The following HERC2 variants were observed in gnomAD, a reference collection of about 807,000 sequenced individuals.
HERC2 encodes E3 ubiquitin-protein ligase HERC2.
Under a neutral mutation model 537.7 loss-of-function variants are expected in HERC2, and 102 were observed. The ratio of observed to expected loss-of-function variants is 0.19; its 90% confidence interval spans 0.16 to 0.22. The LOEUF (loss-of-function observed/expected upper bound fraction) is 0.22. Among genes scored for constraint, HERC2 ranks in the 10% least tolerant of loss-of-function variants. The pLI is 1.00. For missense variants in HERC2, 4,236 were observed against 6,198.2 expected (o/e 0.68, Z 10.63); for synonymous variants, 2,224 against 2,466.2 (o/e 0.90, Z 2.91).
chr15:28,291,899 C>A (rs1444631070), intron 4 of HERC2, among the ~76,000 whole-genome samples: 6 of 127,014 alleles, frequency 4.7e-5, no homozygotes, highest in Non-Finnish European at 9.7e-5. Flanking sequence ...AACAAGACTC[C>A]GTCTCAAAGG....
intron 78 of HERC2, among the ~76,000 whole-genome samples, chr15:28,137,091 G>GT (rs1890726558): frequency 1.3e-5 from 2 of 152,016 alleles, no homozygotes; most frequent in African/African-American, 4.8e-5. Context: ...CCCAAACACT[G>GT]GGTAACAAGG....
intron 45 of HERC2, among the ~76,000 whole-genome samples, chr15:28,204,089 GA>G (rs1898152177): frequency 6.6e-6 from 1 of 152,102 alleles, no homozygotes; most frequent in Non-Finnish European, 1.5e-5. Context: ...AACTGCCTGT[GA>G]GAAGAAAACT....
chr15:28,307,472 A>C (rs968858645), intron 2 of HERC2, among the ~76,000 whole-genome samples: 1 of 151,930 alleles, frequency 6.6e-6, no homozygotes, highest in African/African-American at 2.4e-5. Context: ...ATTTATTTGA[A>C]GTTTTTCTAC....
chr15:28,258,550 A>G (rs1036507644), intron 16 of HERC2, among the ~76,000 whole-genome samples: 5 of 152,330 alleles, frequency 3.3e-5, no homozygotes, highest in Non-Finnish European at 5.9e-5. Context: ...TTGAACATAC[A>G]TGAAAATGCG....
intron 4 of HERC2, among the ~76,000 whole-genome samples, chr15:28,291,632 A>G (rs1239990745): frequency 2.0e-5 from 3 of 152,256 alleles, no homozygotes; most frequent in African/African-American, 7.2e-5. Context: ...TTACACAAAA[A>G]AAAGTAAGCA....
chr15:28,137,019 G>A lies in HERC2; in HGVS notation c.12016-1327C>T, dbSNP rs1890714955. Among the ~76,000 whole-genome samples, 5 of 151,758 alleles carry A rather than the reference G, an allele frequency of 3.3e-5. No individual in the cohort carries two copies. In the South Asian group the frequency reaches 1.0e-3, roughly 31 times the overall value. On this transcript the variant is annotated intron_variant, in intron 78 of 92. Coordinates refer to ENST00000261609, the MANE Select transcript of HERC2 (RefSeq NM_004667.6). ...AGCTAACTCAAAAAAAAAAACCACA[G>A]TCCATATAAAACAACCAAAACAACA...
intron 2 of HERC2, among the ~76,000 whole-genome samples, chr15:28,301,729 GTATGTGTA>G (rs1225169784): frequency 1.3e-4 from 5 of 37,904 alleles, no homozygotes; most frequent in African/African-American, 4.1e-4. Flanking sequence ...CTAGTTGTAT[GTATGTGTA>G]TATATATATA....
chr15:28,284,674 G>C (rs575661491), intron 4 of HERC2, among the ~76,000 whole-genome samples: 13 of 152,186 alleles, frequency 8.5e-5, no homozygotes, highest in African/African-American at 3.1e-4. Context: ...TGTAATCCTA[G>C]CACTTTGGGA....
chr15:28,169,732 G>C lies in HERC2; in HGVS notation c.10058-77C>G, dbSNP rs1487033573. 3 of 1,431,430 alleles carry C rather than the reference G, an allele frequency of 2.1e-6. No homozygotes were observed. The South Asian group carries it at 4.0e-5, about 19-fold the overall frequency. 88.7% of individuals were successfully genotyped at this position (1,431,430 alleles called of 1,614,324 possible). On this transcript the variant is annotated intron_variant, in intron 65 of 92. Coordinates refer to ENST00000261609, the MANE Select transcript of HERC2 (RefSeq NM_004667.6). The stretch of plus-strand genomic sequence containing the variant: ...ATTTCTATAAAATCTGACCTTACAG[G>C]TTAGTTCCAAAACACACTGCAATCT...
intron 48 of HERC2, among the ~76,000 whole-genome samples, chr15:28,199,880 A>G (rs1897728274): frequency 6.6e-6 from 1 of 152,198 alleles, no homozygotes; most frequent in South Asian, 2.1e-4. Context: ...TGCAGACTGT[A>G]AGACATTTGG....
At chr15:28,163,732 T>A (rs575319969) in intron 68 of HERC2, among the ~76,000 whole-genome samples, 3 of 152,202 alleles carry the variant, frequency 2.0e-5, no homozygotes, top group Non-Finnish European at 4.4e-5. Context: ...CCTGGAATCT[T>A]ATTTCAAGCA....
intron 22 of HERC2, 27 bp downstream of exon 22, chr15:28,246,715 T>G (rs1233588801): frequency 6.5e-7 from 1 of 1,528,662 alleles, no homozygotes; most frequent in East Asian, 2.4e-5. Flanking sequence ...AAAATAAACA[T>G]GTACACAAGC....
intron 4 of HERC2, among the ~76,000 whole-genome samples, chr15:28,291,381 T>C (rs2076306276): frequency 6.6e-6 from 1 of 151,974 alleles, no homozygotes; most frequent in Admixed American, 6.6e-5. Flanking sequence ...TGAGATACCA[T>C]GGCAGGCGTC....
intron 25 of HERC2, among the ~76,000 whole-genome samples, 191 bp from the exon 26 acceptor site, chr15:28,237,304 A>G (rs1206490333): frequency 2.0e-5 from 3 of 152,284 alleles, no homozygotes; most frequent in Admixed American, 6.5e-5. Context: ...ATAAACCCAC[A>G]TGCCCAGTAA....
At chr15:28,146,207 A>T (rs368908508) in intron 71 of HERC2, 30 bp downstream of exon 71, 2 of 1,480,932 alleles carry the variant, frequency 1.4e-6, no homozygotes, top group Non-Finnish European at 1.9e-6. Flanking sequence ...AGGTGGGTAG[A>T]TCATGCCCTG....
At chr15:28,307,120 C>A (rs2076810565) in intron 2 of HERC2, among the ~76,000 whole-genome samples, 5 of 152,354 alleles carry the variant, frequency 3.3e-5, no homozygotes, top group Admixed American at 3.3e-4. Flanking sequence ...CAGGCATGAG[C>A]CACCACGCCC....
rs764560071 is a variant in HERC2, at chr15:28,182,476, T to G, written c.8862A>C (p.Ala2954=). The change falls in exon 57 of 93, where the codon GCA becomes GCC. Residue 2954 remains alanine, a synonymous_variant. Coordinates refer to ENST00000261609, the MANE Select transcript of HERC2 (RefSeq NM_004667.6). Reference sequence around the variant, plus strand: ...CAAACACCTTGGTTCTTATCGTAGCTGCTGATTCCAGCCCAGCAGCCTTCT... The same window carrying G: ...CAAACACCTTGGTTCTTATCGTAGCGGCTGATTCCAGCCCAGCAGCCTTCT... ...IRKKAAGLES[A]ATIRTKVFVW... The G allele has an allele frequency of 6.2e-7, 1 of 1,613,622 alleles. No individual in the cohort carries two copies. The highest frequency in any genetic ancestry group is 8.5e-7 in the Non-Finnish European group (1 of 1,179,908).
At chr15:28,249,880 T>G (rs891621726) in intron 20 of HERC2, among the ~76,000 whole-genome samples, 1 of 151,538 alleles carries the variant, frequency 6.6e-6, no homozygotes, top group Non-Finnish European at 1.5e-5. Flanking sequence ...TGGTCTCGAT[T>G]TCCCGACCTC....
At position 28,322,126 on chromosome 15, in the gene HERC2, C is replaced by T. The variant is rs1449196728; in HGVS notation, c.-83G>A. On this transcript the variant is annotated 5_prime_UTR_variant, in exon 1 of 93. Coordinates refer to ENST00000261609, the MANE Select transcript of HERC2 (RefSeq NM_004667.6). Reference sequence around the variant, plus strand: ...CCTCGCCGGCGCGCGGACGCAGCCTCCCAAGAGCCGCTGGCTCAGCCGGCG... The same window carrying T: ...CCTCGCCGGCGCGCGGACGCAGCCTTCCAAGAGCCGCTGGCTCAGCCGGCG... 3 of 73,614 alleles carry T rather than the reference C, an allele frequency of 4.1e-5. No homozygotes were observed. Among genetic ancestry groups the T allele is most frequent in the Non-Finnish European group, 7.7e-5 (3 of 39,134 alleles). 4.6% of individuals were successfully genotyped at this position (73,614 alleles called of 1,614,324 possible). A position where few individuals can be genotyped will look rare whatever the true frequency, so the allele number is the denominator to read the frequency against.
Sources: allele counts gnomAD v4.1 joint callset (sites outside exome capture counted in the v4.1 genomes callset), GRCh38; gene constraint gnomAD v4.1.1; transcripts MANE v1.5; gene names NCBI Gene and HGNC (gene_info 2026-07-23, HGNC 2026-07-21).